Variants in RBMS3 observed in about 807,000 individuals in gnomAD.
The protein encoded by RBMS3 is RNA binding motif single stranded interacting protein 3, also known as RNA-binding motif, single-stranded-interacting protein 3.
A neutral mutation model predicts 66.8 loss-of-function variants in RBMS3; 27 were observed. The ratio of observed to expected loss-of-function variants is 0.40; its 90% CI spans 0.30 to 0.56. The LOEUF is 0.56. Among genes scored for constraint, RBMS3 ranks in the 20% least tolerant of loss-of-function variants. RBMS3 has a pLI of 0.40. For synonymous variants in RBMS3, 188 were observed against 183.0 expected, an observed-to-expected ratio of 1.03 and a Z score of -0.22; for missense variants, 513 against 549.5, an observed-to-expected ratio of 0.93 and a Z score of 0.66.
intron 1 of RBMS3, among the ~76,000 whole-genome samples, chr3:29,285,701 A>C (rs2032270118): frequency 6.6e-6 from 1 of 152,162 alleles, no homozygotes; most frequent in Non-Finnish European, 1.5e-5. Context: ...AATCAACTGC[A>C]CGTTGATTTC....
chr3:29,522,671 A>G (rs1303131641), intron 3 of RBMS3, among the ~76,000 whole-genome samples: 1 of 152,130 alleles, frequency 6.6e-6, no homozygotes, highest in Non-Finnish European at 1.5e-5. Flanking sequence ...CCAGGAGGAA[A>G]CACTGTAGGA....
intron 12 of RBMS3, among the ~76,000 whole-genome samples, chr3:29,949,112 C>T (rs187661494): frequency 3.9e-4 from 59 of 151,172 alleles, no homozygotes; most frequent in Admixed American, 1.1e-3. Context: ...CCTATGGGAC[C>T]ATAATTGTTA....
intron 4 of RBMS3, among the ~76,000 whole-genome samples, chr3:29,717,361 G>A (rs1040051416): frequency 4.0e-5 from 6 of 151,896 alleles, no homozygotes; most frequent in African/African-American, 1.5e-4. Flanking sequence ...TTTACTTCTA[G>A]GCAAGTATAA....
intron 11 of RBMS3, among the ~76,000 whole-genome samples, chr3:29,937,985 T>C (rs1174052004): frequency 1.3e-5 from 2 of 151,900 alleles, no homozygotes; most frequent in African/African-American, 4.8e-5. Flanking sequence ...ATCTGGAATC[T>C]GATTAAAGAG....
At chr3:29,739,532 A>T (rs540167409) in intron 4 of RBMS3, among the ~76,000 whole-genome samples, 188 bp from the exon 5 acceptor site, 1 of 151,936 alleles carries the variant, frequency 6.6e-6, no homozygotes, top group Non-Finnish European at 1.5e-5. Context: ...GCTTTCATTG[A>T]TCATTTTGTC....
chr3:29,893,787 T>G (rs1165587427), intron 8 of RBMS3, among the ~76,000 whole-genome samples: 5 of 151,520 alleles, frequency 3.3e-5, no homozygotes, highest in Non-Finnish European at 7.4e-5. Flanking sequence ...TGGACCATCT[T>G]CTCTGGGCTC....
intron 1 of RBMS3, among the ~76,000 whole-genome samples, chr3:29,347,075 CA>C (rs1418356963): frequency 2.0e-5 from 3 of 151,944 alleles, no homozygotes; most frequent in Admixed American, 1.3e-4. Flanking sequence ...GGAGTTTCAC[CA>C]AGAATGTTGG....
chr3:29,473,325 T>C (rs1160420027), intron 2 of RBMS3, among the ~76,000 whole-genome samples: 2 of 152,228 alleles, frequency 1.3e-5, no homozygotes, highest in Non-Finnish European at 2.9e-5. Flanking sequence ...ATAAAGGTTC[T>C]CCAAGTCCCC....
At chr3:29,555,252 T>G (rs13319050) in intron 3 of RBMS3, among the ~76,000 whole-genome samples, 9,588 of 152,286 alleles carry the variant, frequency 0.063, 612 homozygotes, top group East Asian at 0.34. Context: ...TGCATAGCAT[T>G]TGGTGATTAC....
At chr3:29,562,446 A>C (rs540648297) in intron 3 of RBMS3, among the ~76,000 whole-genome samples, 1 of 152,280 alleles carries the variant, frequency 6.6e-6, no homozygotes, top group South Asian at 2.1e-4. Flanking sequence ...CAAAGAGATC[A>C]CATCTGTACA....
rs181693873 is a variant in RBMS3 at position 29,835,846 on chromosome 3, T to A, written c.638-33012T>A. ...CACAAAACTAAGAATTACTTTTTTTTAAAAAAAGGTAAACAAAATTGGCAA... is the reference window on the plus strand; with the variant it reads ...CACAAAACTAAGAATTACTTTTTTTAAAAAAAAGGTAAACAAAATTGGCAA... On this transcript the variant is annotated intron_variant, in intron 6 of 14. Transcript: ENST00000383767. 6.3e-3 allele frequency among the ~76,000 whole-genome samples: 948 copies of A among 151,442 alleles called. 10 individuals are homozygous for A. Among genetic ancestry groups the A allele is most frequent in the African/African-American group, 0.021 (852 of 41,392 alleles).
At chr3:29,914,024 T>C (rs1471943147) in intron 10 of RBMS3, among the ~76,000 whole-genome samples, 1 of 151,978 alleles carries the variant, frequency 6.6e-6, no homozygotes, top group Admixed American at 6.6e-5. Context: ...CACATTACTG[T>C]CCATATATGC....
At chr3:29,521,285 T>G (rs1483907118) in intron 3 of RBMS3, among the ~76,000 whole-genome samples, 2 of 152,228 alleles carry the variant, frequency 1.3e-5, no homozygotes, top group Non-Finnish European at 1.5e-5. Flanking sequence ...TGTGATCCTA[T>G]GAGCTCTCTG....
At chr3:29,865,870 T>A (rs1159503881) in intron 6 of RBMS3, among the ~76,000 whole-genome samples, 3 of 152,114 alleles carry the variant, frequency 2.0e-5, no homozygotes, top group Admixed American at 2.0e-4. Flanking sequence ...ACCTAGCAGA[T>A]AAAGACTGAT....
chr3:29,827,798 A>G (rs918905520), intron 6 of RBMS3, among the ~76,000 whole-genome samples: 1 of 152,222 alleles, frequency 6.6e-6, no homozygotes, highest in African/African-American at 2.4e-5. Flanking sequence ...AAGGTAATCC[A>G]TAGAACTGAG....
intron 6 of RBMS3, among the ~76,000 whole-genome samples, chr3:29,834,871 T>G (rs2149492983): frequency 6.6e-6 from 1 of 152,084 alleles, no homozygotes; most frequent in African/African-American, 2.4e-5. Flanking sequence ...AAGATGCAAC[T>G]AAATACTACT....
chr3:29,748,226 C>T (rs547147253), intron 5 of RBMS3, among the ~76,000 whole-genome samples: 3 of 152,080 alleles, frequency 2.0e-5, no homozygotes, highest in Admixed American at 6.5e-5. Context: ...AAGTAGAAAA[C>T]CTAAGGTGGG....
chr3:29,813,888 A>G (rs1041076209), intron 6 of RBMS3, among the ~76,000 whole-genome samples: 25 of 152,222 alleles, frequency 1.6e-4, no homozygotes, highest in Non-Finnish European at 2.5e-4. Flanking sequence ...GGGCTGAGAC[A>G]ATGGGGTTTT....
rs2046122456 is a variant in RBMS3, at chr3:29,549,889, T to A, written c.308-37225T>A. 3.9e-5 allele frequency among the ~76,000 whole-genome samples: 6 copies of A among 152,250 alleles called. No individual in the cohort carries two copies. In the South Asian group the frequency reaches 1.0e-3, roughly 26 times the overall value. On this transcript the variant is annotated intron_variant, in intron 3 of 14. Coordinates refer to ENST00000383767, the MANE Select transcript of RBMS3 (RefSeq NM_001003793.3). ...AACAAAGTTCCCTGGCAGATGGTCA[T>A]ATTATATACTACTCTCTTGTCCTAT...
Sources: allele counts gnomAD v4.1 joint callset (sites outside exome capture counted in the v4.1 genomes callset), GRCh38; gene constraint gnomAD v4.1.1; transcripts MANE v1.5; gene names NCBI Gene and HGNC (gene_info 2026-07-23, HGNC 2026-07-21).